The following ZNF385D variants were observed in gnomAD, a reference collection of about 807,000 sequenced individuals.
ZNF385D encodes the protein zinc finger protein 659.
A neutral mutation model predicts 35.8 loss-of-function variants in ZNF385D; 15 were observed. The observed-to-expected ratio is 0.42, with a 90% CI of 0.28 to 0.64. The LOEUF (loss-of-function observed/expected upper bound fraction) is 0.64, where lower values mean the gene tolerates loss of function less well. Among genes scored for constraint, ZNF385D ranks in the 30% least tolerant of loss-of-function variants. The pLI, the probability that ZNF385D is intolerant of heterozygous loss-of-function variation, is 0.23. For missense variants in ZNF385D, 474 were observed against 494.6 expected, an observed-to-expected ratio of 0.96 and a Z score of 0.39; for synonymous variants, 212 against 186.8, an observed-to-expected ratio of 1.13 and a Z score of -1.10.
At chr3:21,765,275 T>C (rs1438119864) in intron 3 of ZNF385D, among the ~76,000 whole-genome samples, 1 of 151,920 alleles carries the variant, frequency 6.6e-6, no homozygotes, top group Non-Finnish European at 1.5e-5. Context: ...TACTGACTTA[T>C]TTTGCTAGAA....
intron 3 of ZNF385D, among the ~76,000 whole-genome samples, chr3:21,835,631 C>T (rs78320843): frequency 0.032 from 4,890 of 151,950 alleles, 113 homozygotes; most frequent in East Asian, 0.058. Flanking sequence ...GAGAAAGAGG[C>T]ATGTAGCCTA....
intron 3 of ZNF385D, among the ~76,000 whole-genome samples, chr3:21,818,176 C>T (rs574892290): frequency 1.5e-5 from 2 of 134,692 alleles, no homozygotes; most frequent in Admixed American, 7.7e-5. Context: ...GGGGGCCTGT[C>T]GTGATGGGGG....
At chr3:21,983,211 T>C (rs1694604413) in intron 3 of ZNF385D, among the ~76,000 whole-genome samples, 1 of 147,346 alleles carries the variant, frequency 6.8e-6, no homozygotes, top group Non-Finnish European at 1.5e-5. Context: ...ATGTGCACAT[T>C]GTGCAGGTTA....
chr3:21,506,256 A>T (rs74642222), intron 4 of ZNF385D, among the ~76,000 whole-genome samples: 5,061 of 152,234 alleles, frequency 0.033, 122 homozygotes, highest in East Asian at 0.11. Context: ...CCCCTCTTCC[A>T]TAGAATTCTC....
chr3:22,314,530 G>A (rs909364208), intron 2 of ZNF385D, among the ~76,000 whole-genome samples: 1 of 152,002 alleles, frequency 6.6e-6, no homozygotes, highest in African/African-American at 2.4e-5. Flanking sequence ...TGACGGATGG[G>A]CATTTGGGTT....
At chr3:21,566,253 T>TAACAAACA (rs74279249) in intron 2 of ZNF385D, among the ~76,000 whole-genome samples, 7 of 151,990 alleles carry the variant, frequency 4.6e-5, no homozygotes, top group South Asian at 2.1e-4. Flanking sequence ...ATTTATTATC[T>TAACAAACA]AACAAACATT....
intron 2 of ZNF385D, among the ~76,000 whole-genome samples, chr3:21,585,144 A>G (rs1215202907): frequency 1.3e-5 from 2 of 151,954 alleles, no homozygotes; most frequent in African/African-American, 2.4e-5. Context: ...AAAAATGTAT[A>G]TTCATCCAAA....
chr3:21,980,104 G>C (rs1436132985), intron 3 of ZNF385D, among the ~76,000 whole-genome samples: 1 of 152,098 alleles, frequency 6.6e-6, no homozygotes, highest in African/African-American at 2.4e-5. Context: ...TAGCTATATT[G>C]TGGGGTTATT....
intron 3 of ZNF385D, among the ~76,000 whole-genome samples, chr3:22,123,267 G>C (rs915559941): frequency 6.6e-6 from 1 of 152,048 alleles, no homozygotes; most frequent in African/African-American, 2.4e-5. Flanking sequence ...CTTAAAGTGA[G>C]AAGTTCAAGA....
chr3:22,361,874 A>G (rs766598441), intron 2 of ZNF385D, among the ~76,000 whole-genome samples: 5 of 152,030 alleles, frequency 3.3e-5, no homozygotes, highest in Non-Finnish European at 7.4e-5. Flanking sequence ...AAGAAACAAT[A>G]ATTCCAACAG....
chr3:21,954,752 C>T (rs940758180), intron 3 of ZNF385D, among the ~76,000 whole-genome samples: 3 of 152,128 alleles, frequency 2.0e-5, no homozygotes, highest in African/African-American at 7.2e-5. Context: ...GGACTCAAAA[C>T]AATTTCCTAA....
At chr3:22,016,546 A>G (rs907988636) in intron 3 of ZNF385D, among the ~76,000 whole-genome samples, 18 of 152,092 alleles carry the variant, frequency 1.2e-4, no homozygotes, top group African/African-American at 3.9e-4. Flanking sequence ...AAGAGTGAGA[A>G]AATTCAAAGG....
chr3:21,866,501 T>C (rs1465674868), intron 3 of ZNF385D, among the ~76,000 whole-genome samples: 2 of 152,132 alleles, frequency 1.3e-5, no homozygotes, highest in Non-Finnish European at 2.9e-5. Flanking sequence ...CCGCTATTGA[T>C]CTACGGATAT....
intron 3 of ZNF385D, among the ~76,000 whole-genome samples, chr3:22,145,055 T>C (rs1704765588): frequency 6.7e-6 from 1 of 150,362 alleles, no homozygotes. Context: ...CAATTAGTTA[T>C]CAGTGATACT....
chr3:21,994,710 A>G (rs1264318435), intron 3 of ZNF385D, among the ~76,000 whole-genome samples: 1 of 152,168 alleles, frequency 6.6e-6, no homozygotes, highest in Non-Finnish European at 1.5e-5. Flanking sequence ...TTCTTACTAT[A>G]GATGTATCAA....
intron 3 of ZNF385D, among the ~76,000 whole-genome samples, chr3:22,165,005 G>A (rs541206401): frequency 2.0e-5 from 3 of 152,210 alleles, no homozygotes; most frequent in Non-Finnish European, 4.4e-5. Context: ...GGTTATGAGG[G>A]AGGGAAAGAT....
chr3:21,828,414 A>G (rs143140738), intron 3 of ZNF385D, among the ~76,000 whole-genome samples: 362 of 152,316 alleles, frequency 2.4e-3, no homozygotes, highest in African/African-American at 7.8e-3. Context: ...TTTGGTGCCC[A>G]TTAGAGAAAT....
chr3:21,853,406 T>C (rs1696509606), intron 3 of ZNF385D, among the ~76,000 whole-genome samples: 1 of 151,804 alleles, frequency 6.6e-6, no homozygotes, highest in South Asian at 2.1e-4. Flanking sequence ...TCAATCCACT[T>C]TAATATTTAT....
intron 1 of ZNF385D, among the ~76,000 whole-genome samples, chr3:21,732,052 T>G (rs1430458191): frequency 0.012 from 826 of 69,480 alleles, 152 homozygotes; most frequent in Non-Finnish European, 0.021. Context: ...TTTTTTTTTT[T>G]TTTTTTTTTT....
Sources: gnomAD v4.1 joint callset for allele counts (sites outside exome capture counted in the v4.1 genomes callset) on GRCh38, gnomAD v4.1.1 for gene constraint, MANE v1.5 for transcripts, NCBI Gene and HGNC (gene_info 2026-07-23, HGNC 2026-07-21) for gene names.